TYROBP: variants seen among roughly 807,000 people sequenced by gnomAD.
TYROBP encodes TYRO protein tyrosine kinase-binding protein.
In TYROBP, 14 loss-of-function variants were observed where a neutral mutation model predicts 17.1. The observed-to-expected ratio is 0.82, with a 90% CI of 0.54 to 1.28. The LOEUF (loss-of-function observed/expected upper bound fraction) is 1.28, where lower values mean the gene tolerates loss of function less well. Among genes scored for constraint, TYROBP ranks in the 50% most tolerant of loss-of-function variants. The pLI, the probability that TYROBP is intolerant of heterozygous loss-of-function variation, is 0.00. For missense variants in TYROBP, 161 were observed against 151.4 expected (o/e 1.06, Z -0.33); for synonymous variants, 73 against 67.4 (o/e 1.08, Z -0.41).
chr19:35,907,590 A>C lies in TYROBP; in HGVS notation c.95-10T>G, dbSNP rs746506929. 6.2e-7 allele frequency: 1 copy of C among 1,613,978 alleles called. No individual in the cohort carries two copies. Among genetic ancestry groups the C allele is most frequent in the Non-Finnish European group, 8.5e-7 (1 of 1,179,988 alleles). The stretch of plus-strand genomic sequence containing the variant: ...GTAGAGCAACTGCAATCTGCAGCAC[A>C]GGGGTCAGGGGAGGTCAGTGTGTGC... On this transcript the variant is annotated splice_polypyrimidine_tract_variant and intron_variant, in intron 2 of 4. Coordinates refer to ENST00000262629, the MANE Select transcript of TYROBP (RefSeq NM_003332.4).
rs199583341 is a variant in TYROBP, at chr19:35,907,495, G to C, written c.180C>G (p.Ala60=). 2.3e-5 allele frequency: 37 copies of C among 1,613,452 alleles called. No homozygotes were observed. In the East Asian group the frequency reaches 8.0e-4, roughly 35 times the overall value. ...DLVLTVLIAL[A]VYFLGRLVPR... is the part of the protein sequence containing the mutation. ...GGACCAGCCGGCCCAGGAAGTACACGGCCAGGGCAATGAGCACTGTCAGCA... is the reference window on the plus strand; with the variant it reads ...GGACCAGCCGGCCCAGGAAGTACACCGCCAGGGCAATGAGCACTGTCAGCA... The change falls in exon 3 of 5, where the codon GCC becomes GCG. Residue 60 remains alanine (A), a synonymous_variant. Transcript: ENST00000262629.
intron 3 of TYROBP, 56 bp downstream of exon 3, chr19:35,907,390 G>GCCC: frequency 2.1e-6 from 3 of 1,425,254 alleles, no homozygotes; most frequent in Non-Finnish European, 3.0e-6. Context: ...AGTTTACCCA[G>GCCC]CCCCCCACCC....
intron 2 of TYROBP, 41 bp downstream of exon 2, chr19:35,907,689 C>T: frequency 6.2e-7 from 1 of 1,613,842 alleles, no homozygotes; most frequent in Non-Finnish European, 8.5e-7. Context: ...ACAGGGAGGT[C>T]TCTGGGAGGT....
rs111477177 is a variant in TYROBP at position 35,907,552 on chromosome 19, G to C, written c.123C>G (p.Gly41=). Residue 41 remains glycine, a synonymous_variant, in exon 3 of 5, where the codon GGC becomes GGG. Transcript: ENST00000262629. The part of the protein sequence containing the change: ...SDCSCSTVSP[G]VLAGIVMGDL... ...CTCCCATCACGATCCCTGCCAGCAC[G>C]CCCGGGCTCACCGTAGAGCAACTGC... is the stretch of plus-strand genomic sequence containing the variant. 0.039 allele frequency: 63,219 copies of C among 1,614,050 alleles called. 1,499 individuals are homozygous for C. The highest frequency in any genetic ancestry group is 0.049 in the Non-Finnish European group (57,536 of 1,179,992).
intron 4 of TYROBP, among the ~76,000 whole-genome samples, chr19:35,905,426 T>C (rs992188342): frequency 6.6e-6 from 1 of 152,144 alleles, no homozygotes; most frequent in African/African-American, 2.4e-5. Context: ...GGAGAGGTCT[T>C]AGAGAATCTC....
rs201680032 is a variant in TYROBP at position 35,907,556 on chromosome 19, G to A, written c.119C>T (p.Pro40Leu). 75 of 1,613,886 alleles carry A rather than the reference G, an allele frequency of 4.6e-5. 1 individual carries two copies. The Middle Eastern group carries it at 4.0e-3, about 85-fold the overall frequency. The part of the protein sequence containing the change: ...QSDCSCSTVS[P>L]GVLAGIVMGD... ...CATCACGATCCCTGCCAGCACGCCC[G>A]GGCTCACCGTAGAGCAACTGCAATC... The change falls in exon 3 of 5, where the codon CCG (proline) becomes CTG (leucine). Residue 40 changes from proline to leucine, a missense_variant. Pro to Leu is a moderately conservative substitution (Grantham distance 98). Coordinates refer to ENST00000262629, the MANE Select transcript of TYROBP (RefSeq NM_003332.4).
intron 1 of TYROBP, among the ~76,000 whole-genome samples, chr19:35,907,967 A>G (rs1555779567): frequency 6.6e-6 from 1 of 152,120 alleles, no homozygotes; most frequent in Non-Finnish European, 1.5e-5. Context: ...CAACACACTT[A>G]GATGTCTCTT....
rs1385508994 is a variant in TYROBP, at chr19:35,904,511, G to A, written c.*58C>T. Reference sequence around the variant, plus strand: ...GGTAGGAGTTGGAATGAGGTGCAGGGTGGGCTTCAGGAATGGCTGGATCCA... The same window carrying A: ...GGTAGGAGTTGGAATGAGGTGCAGGATGGGCTTCAGGAATGGCTGGATCCA... On this transcript the variant is annotated 3_prime_UTR_variant, in exon 5 of 5. Transcript: ENST00000262629. 1 of 1,566,414 alleles carries A rather than the reference G, an allele frequency of 6.4e-7. No individual in the cohort carries two copies. Among genetic ancestry groups the A allele is most frequent in the East Asian group, 2.2e-5 (1 of 44,556 alleles).
At chr19:35,906,236 G>A (rs1290088569) in intron 4 of TYROBP, among the ~76,000 whole-genome samples, 2 of 151,382 alleles carry the variant, frequency 1.3e-5, no homozygotes, top group Admixed American at 6.6e-5. Context: ...AATTACAGGC[G>A]CATGACACCA....
intron 1 of TYROBP, 77 bp downstream of exon 1, chr19:35,908,091 C>T (rs1028252402): frequency 4.5e-6 from 6 of 1,333,498 alleles, no homozygotes; most frequent in South Asian, 2.4e-5. Flanking sequence ...TTGGTTCTCT[C>T]GTTCCACCCC....
rs775695088 is a variant in TYROBP, at chr19:35,908,279, G to C, written c.-51C>G. 3 of 1,530,032 alleles carry C rather than the reference G, an allele frequency of 2.0e-6. No homozygotes were observed. Among genetic ancestry groups the C allele is most frequent in the East Asian group, 2.2e-5 (1 of 44,472 alleles). The allele number at this position is 1,530,032 out of a possible 1,614,324, so 94.8% of individuals were successfully genotyped here. On this transcript the variant is annotated 5_prime_UTR_variant, in exon 1 of 5. Coordinates refer to ENST00000262629, the MANE Select transcript of TYROBP (RefSeq NM_003332.4). ...AGTGTAAGGGCCGGTGGGATGTGGCGCAGCGTCCAGGCAAGTGAAGGAGGA... is the reference window on the plus strand; with the variant it reads ...AGTGTAAGGGCCGGTGGGATGTGGCCCAGCGTCCAGGCAAGTGAAGGAGGA...
At chr19:35,905,807 G>C (rs898776833) in intron 4 of TYROBP, among the ~76,000 whole-genome samples, 3 of 151,818 alleles carry the variant, frequency 2.0e-5, no homozygotes, top group Non-Finnish European at 4.4e-5. Flanking sequence ...ACAAAAATTA[G>C]CCGGGTGTGG....
chr19:35,907,782 T>C lies in TYROBP; in HGVS notation c.62-20A>G, dbSNP rs773619483. ...GGAGACCTGAGGAGGAAAAAGAAGG[T>C]AAACTGAGGCACAGAGTTATGACGG... On this transcript the variant is annotated intron_variant, in intron 1 of 4. Coordinates refer to ENST00000262629, the MANE Select transcript of TYROBP (RefSeq NM_003332.4). The C allele has an allele frequency of 8.1e-6, 13 of 1,611,770 alleles. No homozygotes were observed. The highest frequency in any genetic ancestry group is 1.0e-5 in the Non-Finnish European group (12 of 1,179,608).
chr19:35,907,391 C>T (rs201813149), intron 3 of TYROBP, 55 bp downstream of exon 3: 43 of 1,525,936 alleles, frequency 2.8e-5, no homozygotes, highest in Non-Finnish European at 2.7e-6. Context: ...GTTTACCCAG[C>T]CCCCCACCCC....
At chr19:35,907,374 T>G (rs1175551202) in intron 3 of TYROBP, 72 bp downstream of exon 3, 1 of 1,604,030 alleles carries the variant, frequency 6.2e-7, no homozygotes, top group South Asian at 1.1e-5. Context: ...ATGTTTGAGA[T>G]CTGGGAGTTT....
intron 4 of TYROBP, among the ~76,000 whole-genome samples, chr19:35,906,604 G>T (rs963549381): frequency 6.6e-6 from 1 of 151,924 alleles, no homozygotes; most frequent in African/African-American, 2.4e-5. Flanking sequence ...TACTGAGAGC[G>T]TCTCCCAGAA....
At chr19:35,906,734 CTT>C (rs61149773) in intron 4 of TYROBP, among the ~76,000 whole-genome samples, 3 of 142,520 alleles carry the variant, frequency 2.1e-5, no homozygotes, top group Admixed American at 7.0e-5. Flanking sequence ...ACTCTTCACG[CTT>C]TTTTTTTTTT....
At chr19:35,904,967 A>G (rs1434715216) in intron 4 of TYROBP, among the ~76,000 whole-genome samples, 5 of 131,940 alleles carry the variant, frequency 3.8e-5, no homozygotes, top group African/African-American at 1.5e-4. Context: ...CACTGTAAAA[A>G]AAAAAAAAAA....
At position 35,907,426 on chromosome 19, in the gene TYROBP, C is replaced by T. The variant is rs945841592; in HGVS notation, c.229+20G>A. The T allele has an allele frequency of 6.3e-7, 1 of 1,585,318 alleles. No homozygotes were observed. Among genetic ancestry groups the T allele is most frequent in the Non-Finnish European group, 8.7e-7 (1 of 1,154,770 alleles). ...CCATCTAGGCAAGTCCTCAGGATGT[C>T]CCCTGCTAGCCCCACTCACCCTCCG... On this transcript the variant is annotated intron_variant, in intron 3 of 4. Transcript: ENST00000262629.
Sources: allele counts gnomAD v4.1 joint callset (sites outside exome capture counted in the v4.1 genomes callset), GRCh38; gene constraint gnomAD v4.1.1; transcripts MANE v1.5; gene names NCBI Gene and HGNC (gene_info 2026-07-23, HGNC 2026-07-21).